SLC25A37: variants seen among roughly 807,000 people sequenced by gnomAD.
The protein encoded by SLC25A37 is mitoferrin-1.
In SLC25A37, 17 loss-of-function variants were observed where a neutral mutation model predicts 31.0. That is an observed-to-expected ratio of 0.55 (90% confidence interval 0.38 to 0.82). SLC25A37 has a LOEUF of 0.82. Ranked by LOEUF, SLC25A37 falls within the 40% of genes least tolerant of loss-of-function variation. SLC25A37 has a pLI of 0.00. For missense variants in SLC25A37, 404 were observed against 465.8 expected (o/e 0.87, Z 1.22); for synonymous variants, 222 against 193.0 (o/e 1.15, Z -1.24).
chr8:23,546,539 A>AGG (rs1394643658), intron 1 of SLC25A37, among the ~76,000 whole-genome samples: 3 of 24,484 alleles, frequency 1.2e-4, no homozygotes, highest in African/African-American at 3.6e-4. Context: ...GTGTATATAT[A>AGG]TATATATATA....
intron 1 of SLC25A37, among the ~76,000 whole-genome samples, chr8:23,531,269 A>T (rs1401515046): frequency 6.6e-6 from 1 of 152,192 alleles, no homozygotes; most frequent in East Asian, 1.9e-4. Context: ...TCCATCATGG[A>T]AAGGCTTGGG....
intron 1 of SLC25A37, among the ~76,000 whole-genome samples, chr8:23,539,580 A>AT (rs1459078386): frequency 2.6e-5 from 4 of 152,170 alleles, no homozygotes; most frequent in African/African-American, 9.7e-5. Flanking sequence ...GGCCCCGTGA[A>AT]TTTAAGTCCT....
rs1156338052 is a variant in SLC25A37, at chr8:23,528,985, G to GT, written c.-18_-17insT. On this transcript the variant is annotated 5_prime_UTR_variant, in exon 1 of 4. Coordinates refer to ENST00000519973, the MANE Select transcript of SLC25A37 (RefSeq NM_016612.4). ...CTGCCCACCTCCTGCAGCCTCCTGC[G>GT]CCCCGCCGAGCTGGCGGATGGAGCT... 6.8e-7 allele frequency: 1 copy of GT among 1,477,016 alleles called. No homozygotes were observed. The highest frequency in any genetic ancestry group is 2.3e-5 in the Admixed American group (1 of 43,882). 91.5% of individuals were successfully genotyped at this position (1,477,016 alleles called of 1,614,324 possible).
At chr8:23,543,535 G>C (rs28778138) in intron 1 of SLC25A37, among the ~76,000 whole-genome samples, 1 of 151,672 alleles carries the variant, frequency 6.6e-6, no homozygotes, top group Non-Finnish European at 1.5e-5. Context: ...CAGTTCTGCA[G>C]GCTCCATTCA....
In SLC25A37 at chr8:23,562,802, G is replaced by GT. The variant is rs141697426; in HGVS notation, c.211-3305dup. Among the ~76,000 whole-genome samples the GT allele has an allele frequency of 7.0e-3, 1,061 of 152,316 alleles. 8 individuals are homozygous for GT. Among genetic ancestry groups the GT allele is most frequent in the African/African-American group, 0.024 (1,018 of 41,562 alleles). ...GACCTTGCCCAGGGTCACACCATGAGTGATGGCATCTGAATTCAGCCCCAG... is the reference window on the plus strand; with the variant it reads ...GACCTTGCCCAGGGTCACACCATGAGTTGATGGCATCTGAATTCAGCCCCAG... On this transcript the variant is annotated intron_variant, in intron 1 of 3. Coordinates refer to ENST00000519973, the MANE Select transcript of SLC25A37 (RefSeq NM_016612.4).
At chr8:23,549,012 T>G (rs1052726493) in intron 1 of SLC25A37, among the ~76,000 whole-genome samples, 1 of 152,102 alleles carries the variant, frequency 6.6e-6, no homozygotes, top group African/African-American at 2.4e-5. Flanking sequence ...CTAAATGAGG[T>G]CCCCCTGCAT....
Position 23,529,233 on chromosome 8 carries a change from G to T in SLC25A37, c.210+21G>T, listed in dbSNP as rs1801610614. On this transcript the variant is annotated intron_variant, in intron 1 of 3. Coordinates refer to ENST00000519973, the MANE Select transcript of SLC25A37 (RefSeq NM_016612.4). The surrounding 1 kb of genome is among the most constrained non-coding windows in gnomAD (Gnocchi z 4.1). ...TGAAGGTGAGGCGCGGGGAGACTTC[G>T]GGGACGCAACGAGCGGAGAAGGAGC... The T allele has an allele frequency of 3.1e-6, 5 of 1,597,086 alleles. No individual in the cohort carries two copies. The highest frequency in any genetic ancestry group is 3.4e-6 in the Non-Finnish European group (4 of 1,173,012).
intron 1 of SLC25A37, among the ~76,000 whole-genome samples, chr8:23,539,861 A>G (rs952996317): frequency 6.6e-6 from 1 of 152,230 alleles, no homozygotes; most frequent in Non-Finnish European, 1.5e-5. Context: ...GCACCTGGTC[A>G]AGTTCCTGAA....
intron 1 of SLC25A37, among the ~76,000 whole-genome samples, chr8:23,542,195 C>G (rs546899099): frequency 6.6e-6 from 1 of 152,150 alleles, no homozygotes; most frequent in Non-Finnish European, 1.5e-5. Flanking sequence ...GGCATCACAA[C>G]GCATTGCATT....
intron 1 of SLC25A37, among the ~76,000 whole-genome samples, chr8:23,537,318 T>G (rs1430658968): frequency 6.6e-6 from 1 of 152,202 alleles, no homozygotes; most frequent in African/African-American, 2.4e-5. Context: ...TTTATTTATA[T>G]TGTTTACATA....
At chr8:23,553,917 A>G (rs569451887) in intron 1 of SLC25A37, among the ~76,000 whole-genome samples, 2 of 152,320 alleles carry the variant, frequency 1.3e-5, no homozygotes, top group South Asian at 4.1e-4. Context: ...TGACTCTGAC[A>G]TAGGGTCTTC....
rs555053779 is a variant in SLC25A37 at position 23,536,345 on chromosome 8, A to G, written c.210+7133A>G. 1.1e-4 allele frequency among the ~76,000 whole-genome samples: 16 copies of G among 151,872 alleles called. No individual in the cohort carries two copies. In the South Asian group the frequency reaches 2.5e-3, roughly 24 times the overall value. On this transcript the variant is annotated intron_variant, in intron 1 of 3. Transcript: ENST00000519973. The stretch of plus-strand genomic sequence containing the variant: ...TATTGACACTGGTCTCTACTTCCTC[A>G]CTGCCACCCCTGCTTCCTGGCTTTT...
At position 23,530,937 on chromosome 8, in the gene SLC25A37, C is replaced by T. The variant is rs144202429; in HGVS notation, c.210+1725C>T. Among the ~76,000 whole-genome samples, 84 of 152,300 alleles carry T rather than the reference C, an allele frequency of 5.5e-4. No homozygotes were observed. The East Asian group carries it at 0.01, about 19-fold the overall frequency. ...TGTGTGATCTGTGTTTAGTTTCTCC[C>T]TGCCCCATACATGTTGATATGTTTT... On this transcript the variant is annotated intron_variant, in intron 1 of 3. Transcript: ENST00000519973.
chr8:23,566,180 A>C lies in SLC25A37; in HGVS notation c.283A>C (p.Met95Leu), dbSNP rs1802648756. The C allele has an allele frequency of 6.2e-7, 1 of 1,606,638 alleles. No individual in the cohort carries two copies. Among genetic ancestry groups the C allele is most frequent in the Non-Finnish European group, 8.5e-7 (1 of 1,177,400 alleles). Reference sequence around the variant, plus strand: ...TATCTACGGAGCCCTCAAGAAAATCATGCGGACCGAAGGCTTCTGGAGGCC... The same window carrying C: ...TATCTACGGAGCCCTCAAGAAAATCCTGCGGACCGAAGGCTTCTGGAGGCC... ...TSIYGALKKI[M>L]RTEGFWRPLR... is the part of the protein sequence containing the mutation. Residue 95 changes from methionine (M) to leucine (L), a missense_variant, in exon 2 of 4, where the codon ATG becomes CTG. Coordinates refer to ENST00000519973, the MANE Select transcript of SLC25A37 (RefSeq NM_016612.4).
chr8:23,571,092 G>A (rs1802814519), intron 3 of SLC25A37, among the ~76,000 whole-genome samples: 1 of 152,202 alleles, frequency 6.6e-6, no homozygotes, highest in Non-Finnish European at 1.5e-5. Context: ...AGGAGAGACG[G>A]AAATAGCCAC....
rs533894114 is a variant in SLC25A37, at chr8:23,566,426, C to T, written c.439+90C>T. On this transcript the variant is annotated intron_variant, in intron 2 of 3. Transcript: ENST00000519973. ...GTTCCTCCCTGTGACCCAGCCGCCTCGACTTCGGCCCGCTTGCTCACGAAT... is the reference window on the plus strand; with the variant it reads ...GTTCCTCCCTGTGACCCAGCCGCCTTGACTTCGGCCCGCTTGCTCACGAAT... The T allele has an allele frequency of 2.2e-5, 33 of 1,504,844 alleles. No individual in the cohort carries two copies. In the African/African-American group the frequency reaches 3.9e-4, roughly 18 times the overall value. The allele number at this position is 1,504,844 out of a possible 1,614,324, so 93.2% of individuals were successfully genotyped here. A position where few individuals can be genotyped will look rare whatever the true frequency, so the allele number is the denominator to read the frequency against.
chr8:23,536,715 C>T (rs1157532187), intron 1 of SLC25A37, among the ~76,000 whole-genome samples: 2 of 152,220 alleles, frequency 1.3e-5, no homozygotes, highest in African/African-American at 2.4e-5. Flanking sequence ...CTGCCTCCTT[C>T]TGCACCCTGG....
chr8:23,556,348 G>A (rs1244642113), intron 1 of SLC25A37, among the ~76,000 whole-genome samples: 1 of 150,944 alleles, frequency 6.6e-6, no homozygotes, highest in Admixed American at 6.6e-5. Context: ...AGCCTCCCAA[G>A]TAGCTAAGAC....
intron 3 of SLC25A37, among the ~76,000 whole-genome samples, 182 bp from the exon 4 acceptor site, chr8:23,571,153 C>A (rs1053582779): frequency 1.3e-5 from 2 of 152,178 alleles, no homozygotes; most frequent in Non-Finnish European, 2.9e-5. Flanking sequence ...CTAGGACTGC[C>A]GGGAGCTGGC....
Sources: gnomAD v4.1 joint callset for allele counts (sites outside exome capture counted in the v4.1 genomes callset) on GRCh38, gnomAD v4.1.1 for gene constraint, Gnocchi (gnomAD v3.1) non-coding constraint, MANE v1.5 for transcripts, NCBI Gene and HGNC (gene_info 2026-07-23, HGNC 2026-07-21) for gene names.